KCNMA1: variants seen among roughly 807,000 people sequenced by gnomAD.
The protein encoded by KCNMA1 is Calcium-activated potassium channel subunit alpha-1.
A neutral mutation model predicts 140.0 loss-of-function variants in KCNMA1; 29 were observed. The ratio of observed to expected loss-of-function variants is 0.21; its 90% CI spans 0.15 to 0.28. The LOEUF (loss-of-function observed/expected upper bound fraction) is 0.28. KCNMA1 is among the 10% of genes least tolerant of loss of function. The pLI, the probability that KCNMA1 is intolerant of heterozygous loss-of-function variation, is 1.00. For missense variants in KCNMA1, 880 were observed against 1,602.2 expected (o/e 0.55, Z 7.70); for synonymous variants, 612 against 611.9 (o/e 1.00, Z 0.00).
intron 1 of KCNMA1, among the ~76,000 whole-genome samples, chr10:77,477,163 C>A (rs2098296944): frequency 6.6e-6 from 1 of 152,180 alleles, no homozygotes. Flanking sequence ...TCGTGGATCC[C>A]ACAGGGGTTG....
At chr10:77,177,424 T>C (rs1261447977) in intron 5 of KCNMA1, among the ~76,000 whole-genome samples, 1 of 151,286 alleles carries the variant, frequency 6.6e-6, no homozygotes, top group Non-Finnish European at 1.5e-5. Flanking sequence ...TCCTCTTTCC[T>C]TCCTTCCTTC....
intron 2 of KCNMA1, among the ~76,000 whole-genome samples, chr10:77,341,651 CCT>C (rs1252367852): frequency 6.6e-6 from 1 of 152,174 alleles, no homozygotes; most frequent in Non-Finnish European, 1.5e-5. Flanking sequence ...GATGTGGTCT[CCT>C]GCCAGGAAAA....
At chr10:77,089,488 T>A (rs2096766877) in intron 10 of KCNMA1, among the ~76,000 whole-genome samples, 1 of 152,164 alleles carries the variant, frequency 6.6e-6, no homozygotes, top group African/African-American at 2.4e-5. Context: ...GACTACCTTT[T>A]ATCTAAAAAG....
At chr10:77,246,444 C>T (rs2058559856) in intron 3 of KCNMA1, among the ~76,000 whole-genome samples, 1 of 152,226 alleles carries the variant, frequency 6.6e-6, no homozygotes, top group Admixed American at 6.5e-5. Context: ...GACTTGCCCT[C>T]TCTTCCCTTT....
chr10:77,387,770 A>T (rs1460417332), intron 2 of KCNMA1, among the ~76,000 whole-genome samples: 1 of 152,070 alleles, frequency 6.6e-6, no homozygotes, highest in Non-Finnish European at 1.5e-5. Flanking sequence ...GGTGCCTGCC[A>T]GCATGCTCAG....
chr10:77,303,860 C>A (rs974426456), intron 2 of KCNMA1, among the ~76,000 whole-genome samples: 9 of 152,360 alleles, frequency 5.9e-5, no homozygotes, highest in South Asian at 4.1e-4. Flanking sequence ...AAATTGAGAA[C>A]AGACTCATTG....
At chr10:77,254,962 G>T (rs1457482960) in intron 2 of KCNMA1, among the ~76,000 whole-genome samples, 1 of 152,214 alleles carries the variant, frequency 6.6e-6, no homozygotes, top group East Asian at 1.9e-4. Context: ...AGGGCTTGGG[G>T]GCAGCAGTGT....
At chr10:77,185,239 G>A (rs2098839275) in intron 3 of KCNMA1, among the ~76,000 whole-genome samples, 1 of 151,908 alleles carries the variant, frequency 6.6e-6, no homozygotes. Context: ...AAGCAGGAGA[G>A]GCCTCCAAAT....
intron 1 of KCNMA1, among the ~76,000 whole-genome samples, chr10:77,436,044 A>G (rs2097256594): frequency 6.6e-6 from 1 of 152,246 alleles, no homozygotes; most frequent in South Asian, 2.1e-4. Context: ...TAAGAAATGA[A>G]GGCAATGACT....
At chr10:77,349,359 C>G (rs1351726520) in intron 2 of KCNMA1, among the ~76,000 whole-genome samples, 1 of 152,172 alleles carries the variant, frequency 6.6e-6, no homozygotes, top group Non-Finnish European at 1.5e-5. Context: ...TTCCAGCCTC[C>G]AGAACTGTGA....
At chr10:77,052,910 C>T (rs759609926) in intron 14 of KCNMA1, among the ~76,000 whole-genome samples, 8 of 152,110 alleles carry the variant, frequency 5.3e-5, no homozygotes, top group Admixed American at 1.3e-4. Context: ...CCCTCCTAGC[C>T]GAAAAACCGT....
intron 18 of KCNMA1, among the ~76,000 whole-genome samples, chr10:77,010,460 A>G (rs2090434675): frequency 6.6e-6 from 1 of 151,944 alleles, no homozygotes; most frequent in Non-Finnish European, 1.5e-5. Flanking sequence ...GAATCGGGGA[A>G]TTCTTGTCCC....
At chr10:77,476,558 T>G (rs2098283004) in intron 1 of KCNMA1, among the ~76,000 whole-genome samples, 1 of 152,228 alleles carries the variant, frequency 6.6e-6, no homozygotes, top group Non-Finnish European at 1.5e-5. Context: ...CCCCAGGTCC[T>G]GAGCGGGTCA....
chr10:77,581,367 G>A (rs1382951085), intron 1 of KCNMA1, among the ~76,000 whole-genome samples: 1 of 151,490 alleles, frequency 6.6e-6, no homozygotes, highest in Admixed American at 6.6e-5. Flanking sequence ...AGAGTGCAGT[G>A]GCGTGATCTC....
chr10:77,099,697 A>C (rs933994018), intron 9 of KCNMA1, among the ~76,000 whole-genome samples: 1 of 148,974 alleles, frequency 6.7e-6, no homozygotes. Context: ...CTGGGCAACA[A>C]GAGCAAAACT....
At chr10:76,943,990 C>T (rs891321750) in intron 23 of KCNMA1, among the ~76,000 whole-genome samples, 4 of 152,162 alleles carry the variant, frequency 2.6e-5, no homozygotes, top group African/African-American at 4.8e-5. Context: ...TCTGGCAGCT[C>T]GTCTGTAACA....
At chr10:77,401,663 A>G (rs187337076) in intron 2 of KCNMA1, among the ~76,000 whole-genome samples, 2,156 of 152,318 alleles carry the variant, frequency 0.014, 83 homozygotes, top group Admixed American at 0.091. Context: ...CTGTCTTATT[A>G]AGTATTCTTC....
In KCNMA1 at chr10:77,270,624, C is replaced by T. The variant is rs189969153; in HGVS notation, c.541-19368G>A. 5.3e-3 allele frequency among the ~76,000 whole-genome samples: 807 copies of T among 151,344 alleles called. 3 individuals are homozygous for T. The highest frequency in any genetic ancestry group is 0.019 in the African/African-American group (765 of 41,224). ...GCAACCTCTGCCTCCTGGGTTCCAG[C>T]GGTTCTCATGCCACAGCCACTCAAG... On this transcript the variant is annotated intron_variant, in intron 2 of 27. Coordinates refer to ENST00000286628, the MANE Select transcript of KCNMA1 (RefSeq NM_001161352.2).
intron 2 of KCNMA1, among the ~76,000 whole-genome samples, chr10:77,385,602 T>C (rs2095573137): frequency 6.6e-6 from 1 of 152,214 alleles, no homozygotes; most frequent in South Asian, 2.1e-4. Context: ...ATAAGTCACA[T>C]TCACAAGTGT....
Sources: gnomAD v4.1 joint callset for allele counts (sites outside exome capture counted in the v4.1 genomes callset) on GRCh38, gnomAD v4.1.1 for gene constraint, MANE v1.5 for transcripts, NCBI Gene and HGNC (gene_info 2026-07-23, HGNC 2026-07-21) for gene names.